Variants in NEDD4L observed in about 807,000 individuals in gnomAD.
NEDD4L encodes the protein E3 ubiquitin-protein ligase NEDD4-like.
In NEDD4L, 54 loss-of-function variants were observed where a neutral mutation model predicts 148.9. That is an observed-to-expected ratio of 0.36 (90% CI 0.29 to 0.45). The LOEUF (loss-of-function observed/expected upper bound fraction) is 0.45. Among genes scored for constraint, NEDD4L ranks in the 20% least tolerant of loss-of-function variants. The pLI is 1.00. For synonymous variants in NEDD4L, 433 were observed against 440.7 expected, an observed-to-expected ratio of 0.98 and a Z score of 0.22; for missense variants, 856 against 1,233.8, an observed-to-expected ratio of 0.69 and a Z score of 4.59.
chr18:58,164,615 C>G (rs561093428), intron 1 of NEDD4L, among the ~76,000 whole-genome samples: 1 of 152,184 alleles, frequency 6.6e-6, no homozygotes, highest in African/African-American at 2.4e-5. Context: ...GGATTACAGG[C>G]ACATGCCACC....
intron 1 of NEDD4L, among the ~76,000 whole-genome samples, chr18:58,116,821 G>T (rs1005830750): frequency 6.6e-6 from 1 of 152,230 alleles, no homozygotes; most frequent in Admixed American, 6.5e-5. Context: ...TCACACTGAT[G>T]GTCCATCCTT....
rs891640370 is a variant in NEDD4L, at chr18:58,102,067, CT to C, written c.48+57367del. On this transcript the variant is annotated intron_variant, in intron 1 of 30. Transcript: ENST00000400345. ...CACTTAACTCCTAGCCTAATTTTAT[CT>C]TTTTTTTCCTCTGTTTTTCTTTCCC... Among the ~76,000 whole-genome samples, 21 of 152,108 alleles carry C rather than the reference CT, an allele frequency of 1.4e-4. 1 individual carries two copies. The highest frequency in any genetic ancestry group is 3.4e-3 in the Middle Eastern group (1 of 294).
chr18:58,328,199 A>T (rs2059478577), intron 9 of NEDD4L, among the ~76,000 whole-genome samples: 1 of 152,144 alleles, frequency 6.6e-6, no homozygotes, highest in African/African-American at 2.4e-5. Context: ...TCCTGACCTC[A>T]AGTGATCCGC....
Position 58,106,648 on chromosome 18 carries a change from T to G in NEDD4L, c.49-59140T>G, listed in dbSNP as rs143746629. ...GGGTTGTTATGAAGATTAAATGATT[T>G]AAAGTATGCAGAGTGCTAAGAACAG... On this transcript the variant is annotated intron_variant, in intron 1 of 30. Transcript: ENST00000400345. Among the ~76,000 whole-genome samples, 1,011 of 152,258 alleles carry G rather than the reference T, an allele frequency of 6.6e-3. 9 individuals carry two copies. The highest frequency in any genetic ancestry group is 0.023 in the African/African-American group (940 of 41,544).
intron 26 of NEDD4L, among the ~76,000 whole-genome samples, chr18:58,386,286 C>T (rs898259535): frequency 6.6e-6 from 1 of 152,114 alleles, no homozygotes; most frequent in Non-Finnish European, 1.5e-5. Context: ...CTCCTGACCT[C>T]ATGATCCACC....
At chr18:58,213,145 G>GTGAATTAT (rs1164137923) in intron 2 of NEDD4L, among the ~76,000 whole-genome samples, 117 of 109,382 alleles carry the variant, frequency 1.1e-3, no homozygotes, top group Non-Finnish European at 1.7e-3. Context: ...TGTGAATTAT[G>GTGAATTAT]GGCAGTTGGG....
At chr18:58,297,744 G>T (rs1434838574) in intron 5 of NEDD4L, among the ~76,000 whole-genome samples, 1 of 152,156 alleles carries the variant, frequency 6.6e-6, no homozygotes, top group African/African-American at 2.4e-5. Flanking sequence ...GGCCCTAAAC[G>T]CAGTCACAAG....
chr18:58,259,743 T>C (rs1215693308), intron 5 of NEDD4L, among the ~76,000 whole-genome samples: 1 of 152,200 alleles, frequency 6.6e-6, no homozygotes, highest in East Asian at 1.9e-4. Flanking sequence ...ACAAAAGCAG[T>C]AATTCTAACA....
intron 5 of NEDD4L, chr18:58,255,955 C>A: frequency 4.9e-6 from 6 of 1,231,156 alleles, no homozygotes; most frequent in Non-Finnish European, 6.1e-6. Context: ...GGGCCACGGA[C>A]GGGTGCGGGC....
chr18:58,144,842 C>T (rs1435060979), intron 1 of NEDD4L, among the ~76,000 whole-genome samples: 1 of 152,220 alleles, frequency 6.6e-6, no homozygotes, highest in Non-Finnish European at 1.5e-5. Context: ...GGCAGAGTCC[C>T]TGGTACAGCA....
chr18:58,196,164 T>G (rs918080081), intron 2 of NEDD4L, among the ~76,000 whole-genome samples: 2 of 152,206 alleles, frequency 1.3e-5, no homozygotes, highest in African/African-American at 4.8e-5. Flanking sequence ...GTTCAAAACC[T>G]CAGGTGAAGC....
intron 1 of NEDD4L, among the ~76,000 whole-genome samples, chr18:58,141,190 C>T (rs1462170147): frequency 6.6e-6 from 1 of 152,184 alleles, no homozygotes; most frequent in African/African-American, 2.4e-5. Context: ...TGGAGAGCTC[C>T]CTCCTTACTG....
chr18:58,214,815 T>TTTTTTTG (rs1291603873), intron 2 of NEDD4L, among the ~76,000 whole-genome samples: 11 of 127,120 alleles, frequency 8.7e-5, no homozygotes, highest in Admixed American at 1.7e-4. Flanking sequence ...TTTTTTTTTT[T>TTTTTTTG]TTGTTGTTGT....
intron 8 of NEDD4L, 99 bp downstream of exon 8, chr18:58,323,433 T>G (rs1264573575): frequency 2.8e-6 from 2 of 712,830 alleles, no homozygotes; most frequent in Non-Finnish European, 4.8e-6. Context: ...TTAGAAAGCT[T>G]AAATATAAAA....
At chr18:58,207,960 A>G (rs1292693405) in intron 2 of NEDD4L, among the ~76,000 whole-genome samples, 1 of 152,154 alleles carries the variant, frequency 6.6e-6, no homozygotes, top group African/African-American at 2.4e-5. Flanking sequence ...AGGCTGAGGC[A>G]GAGAATCAGG....
intron 1 of NEDD4L, chr18:58,091,645 C>A (rs189483845): frequency 1.3e-5 from 2 of 152,328 alleles, no homozygotes; most frequent in Non-Finnish European, 2.9e-5. Flanking sequence ...TTTGCTTTAT[C>A]CCCATCTTAT....
chr18:58,322,920 TGTGGGTATGGGTGG>T (rs1568692108), intron 7 of NEDD4L, among the ~76,000 whole-genome samples: 1 of 75,366 alleles, frequency 1.3e-5, no homozygotes, highest in Non-Finnish European at 2.4e-5. Flanking sequence ...CCCTGCATGC[TGTGGGTATGGGTGG>T]GTGGGGATGC....
intron 13 of NEDD4L, chr18:58,335,740 C>T (rs1180331433): frequency 2.1e-6 from 1 of 485,442 alleles, no homozygotes; most frequent in Non-Finnish European, 3.7e-6. Flanking sequence ...TTTAGTCCCA[C>T]ATAATTTTAT....
At position 58,375,168 on chromosome 18, in the gene NEDD4L, G is replaced by A. The variant is rs576263410; in HGVS notation, c.2352+1899G>A. On this transcript the variant is annotated intron_variant, in intron 24 of 30. Transcript: ENST00000400345. ...ATGCCATCTCCCCGTGCCCAGGCTT[G>A]CTGTGCCCCGTGACTCCCCGTCCTT... is the stretch of plus-strand genomic sequence containing the variant. 1.2e-4 allele frequency among the ~76,000 whole-genome samples: 18 copies of A among 152,086 alleles called. No individual in the cohort carries two copies. In the South Asian group the frequency reaches 3.3e-3, roughly 28 times the overall value.
Sources: allele counts gnomAD v4.1 joint callset (sites outside exome capture counted in the v4.1 genomes callset), GRCh38; gene constraint gnomAD v4.1.1; transcripts MANE v1.5; gene names NCBI Gene and HGNC (gene_info 2026-07-23, HGNC 2026-07-21).